The following SHC4 variants were observed in gnomAD, a reference collection of about 807,000 sequenced individuals.
The protein encoded by SHC4 is SHC-transforming protein 4.
In SHC4, 41 loss-of-function variants were observed where a neutral mutation model predicts 69.4. That is an observed-to-expected ratio of 0.59 (90% CI 0.46 to 0.77). The LOEUF (loss-of-function observed/expected upper bound fraction) is 0.77, where lower values mean the gene tolerates loss of function less well. Among genes scored for constraint, SHC4 ranks in the 30% least tolerant of loss-of-function variants. SHC4 has a pLI of 0.00. For missense variants in SHC4, 777 were observed against 783.8 expected, an observed-to-expected ratio of 0.99 and a Z score of 0.10; for synonymous variants, 318 against 299.3, an observed-to-expected ratio of 1.06 and a Z score of -0.64.
At chr15:48,907,674 C>T (rs1900430607) in intron 2 of SHC4, among the ~76,000 whole-genome samples, 1 of 151,848 alleles carries the variant, frequency 6.6e-6, no homozygotes, top group African/African-American at 2.4e-5. Flanking sequence ...GTTTTCCATT[C>T]CTGAGTTACT....
At chr15:48,833,748 C>A (rs1898851247) in intron 11 of SHC4, among the ~76,000 whole-genome samples, 1 of 152,200 alleles carries the variant, frequency 6.6e-6, no homozygotes, top group Admixed American at 6.5e-5. Context: ...TTCCCCCATT[C>A]CCCCAAGGGA....
chr15:48,876,527 G>A (rs1482241688), intron 4 of SHC4: 2 of 622,000 alleles, frequency 3.2e-6, no homozygotes, highest in African/African-American at 1.8e-5. Flanking sequence ...GTAAAGGGGA[G>A]TTCACTAAGT....
At position 48,962,448 on chromosome 15, in the gene SHC4, T is replaced by TGCC; in HGVS notation, c.565_567dup (p.Gly189dup). 6.6e-7 allele frequency: 1 copy of TGCC among 1,522,672 alleles called. No homozygotes were observed. The highest frequency in any genetic ancestry group is 8.8e-7 in the Non-Finnish European group (1 of 1,136,924). The allele number at this position is 1,522,672 out of a possible 1,614,324, so 94.3% of individuals were successfully genotyped here. The stretch of plus-strand genomic sequence containing the variant: ...GGACTTACCCTCACACAGTAGTTCA[T>TGCC]GCCCATCCCCAACAGGTGCTGTAGA... On this transcript the variant is annotated inframe_insertion, in exon 1 of 12. Transcript: ENST00000332408.
chr15:48,878,601 C>G (rs979968640), intron 4 of SHC4: 1 of 1,614,044 alleles, frequency 6.2e-7, no homozygotes, highest in African/African-American at 1.3e-5. Context: ...AGAGAACCAG[C>G]CCTGGATGGC....
At chr15:48,926,307 G>A (rs577471153) in intron 1 of SHC4, among the ~76,000 whole-genome samples, 1 of 152,266 alleles carries the variant, frequency 6.6e-6, no homozygotes, top group Non-Finnish European at 1.5e-5. Context: ...AAAGTGATCT[G>A]TTGTCTCCTC....
chr15:48,891,279 A>G (rs1261235128), intron 2 of SHC4, among the ~76,000 whole-genome samples: 1 of 152,236 alleles, frequency 6.6e-6, no homozygotes, highest in Non-Finnish European at 1.5e-5. Flanking sequence ...GATCGGGAGA[A>G]CGTTGAACTT....
chr15:48,832,339 T>C (rs1332303073), intron 11 of SHC4, among the ~76,000 whole-genome samples: 1 of 152,136 alleles, frequency 6.6e-6, no homozygotes, highest in Non-Finnish European at 1.5e-5. Flanking sequence ...TGGCAGTCTT[T>C]TTTCTTTTAG....
At chr15:48,954,683 C>T (rs558889454) in intron 1 of SHC4, among the ~76,000 whole-genome samples, 14 of 152,290 alleles carry the variant, frequency 9.2e-5, no homozygotes, top group African/African-American at 2.9e-4. Flanking sequence ...AAAGTTCTGC[C>T]AGGGTGGCGC....
At chr15:48,842,110 AT>A (rs1055679549) in intron 10 of SHC4, among the ~76,000 whole-genome samples, 37 of 152,032 alleles carry the variant, frequency 2.4e-4, no homozygotes, top group Non-Finnish European at 1.2e-4. Context: ...TATGAAAAGC[AT>A]TTTTTGTTTA....
At chr15:48,961,140 TCA>T (rs1188158554) in intron 1 of SHC4, among the ~76,000 whole-genome samples, 1 of 152,198 alleles carries the variant, frequency 6.6e-6, no homozygotes, top group Non-Finnish European at 1.5e-5. Context: ...ACCTAAACTC[TCA>T]GAGTATCTTT....
rs866677958 is a variant in SHC4, at chr15:48,950,139, T to C, written c.585+12292A>G. On this transcript the variant is annotated intron_variant, in intron 1 of 11. Transcript: ENST00000332408. ...TATATAATAATATGTGTTTATTTTA[T>C]ATTATATAATTGTATATATTATTTT... Among the ~76,000 whole-genome samples the C allele has an allele frequency of 9.9e-4, 144 of 144,910 alleles. 2 individuals carry two copies. The highest frequency in any genetic ancestry group is 3.5e-3 in the African/African-American group (141 of 40,072).
At chr15:48,847,836 C>T (rs551328297) in intron 9 of SHC4, among the ~76,000 whole-genome samples, 1 of 151,952 alleles carries the variant, frequency 6.6e-6, no homozygotes, top group Admixed American at 6.5e-5. Flanking sequence ...AACCCCGTCT[C>T]TACTAAAAAT....
intron 1 of SHC4, among the ~76,000 whole-genome samples, chr15:48,940,119 T>A (rs1011676720): frequency 6.6e-6 from 1 of 152,168 alleles, no homozygotes; most frequent in Admixed American, 6.5e-5. Context: ...TGGCCCAACA[T>A]ATCCACCATC....
rs2140967261 is a variant in SHC4, at chr15:48,834,812, C to G, written c.1694G>C (p.Gly565Ala). 1.2e-6 allele frequency: 2 copies of G among 1,614,156 alleles called. No homozygotes were observed. The highest frequency in any genetic ancestry group is 2.2e-5 in the East Asian group (1 of 44,882). Residue 565 changes from glycine (G) to alanine (A), a missense_variant, in exon 11 of 12, where the codon GGA becomes GCA. By Grantham distance (60) the Gly-to-Ala change is moderately conservative. Coordinates refer to ENST00000332408, the MANE Select transcript of SHC4 (RefSeq NM_203349.4). ...CAGGAGAAGATGTTTTGCTTGGCCTCCCTGTAGTCCACTCAGCACATATTG... is the reference window on the plus strand; with the variant it reads ...CAGGAGAAGATGTTTTGCTTGGCCTGCCTGTAGTCCACTCAGCACATATTG... The part of the protein sequence containing the change: ...PGQYVLSGLQ[G>A]GQAKHLLLVD...
At chr15:48,832,380 C>T (rs1008237589) in intron 11 of SHC4, among the ~76,000 whole-genome samples, 22 of 152,180 alleles carry the variant, frequency 1.4e-4, no homozygotes, top group African/African-American at 4.8e-4. Context: ...CACTGATAGT[C>T]TTACGGTGGT....
chr15:48,962,885 C>A lies in SHC4; in HGVS notation c.131G>T (p.Gly44Val), dbSNP rs745437940. Residue 44 changes from glycine to valine, a missense_variant, in exon 1 of 12, where the codon GGT becomes GTT. Coordinates refer to ENST00000332408, the MANE Select transcript of SHC4 (RefSeq NM_203349.4). ...RNESITSLDE[G>V]SSGGSVGNKG... ...GTTCCCGACCGAGCCTCCGGAGCTA[C>A]CTTCGTCCAAGGACGTGATCGACTC... 3.1e-6 allele frequency: 5 copies of A among 1,613,306 alleles called. No individual in the cohort carries two copies. Among genetic ancestry groups the A allele is most frequent in the South Asian group, 1.1e-5 (1 of 91,092 alleles).
chr15:48,911,711 A>C (rs1206613772), intron 2 of SHC4, among the ~76,000 whole-genome samples: 1 of 152,124 alleles, frequency 6.6e-6, no homozygotes, highest in African/African-American at 2.4e-5. Context: ...TATGCTTTAA[A>C]GAAGTTCTGT....
chr15:48,860,530 T>C (rs1899421738), intron 6 of SHC4, among the ~76,000 whole-genome samples: 1 of 151,640 alleles, frequency 6.6e-6, no homozygotes, highest in African/African-American at 2.4e-5. Flanking sequence ...TAATAATAAA[T>C]AAAAATAAAA....
chr15:48,935,110 GCAA>G (rs1397549771), intron 1 of SHC4, among the ~76,000 whole-genome samples: 1 of 152,170 alleles, frequency 6.6e-6, no homozygotes, highest in African/African-American at 2.4e-5. Flanking sequence ...TTACCAAGAA[GCAA>G]CAACAACAAA....
Sources: gnomAD v4.1 joint callset for allele counts (sites outside exome capture counted in the v4.1 genomes callset) on GRCh38, gnomAD v4.1.1 for gene constraint, MANE v1.5 for transcripts, NCBI Gene and HGNC (gene_info 2026-07-23, HGNC 2026-07-21) for gene names.